Variants in KHDRBS2 observed in about 807,000 individuals in gnomAD.
KHDRBS2 encodes KH domain-containing, RNA-binding, signal transduction-associated protein 2.
Under a neutral mutation model 44.3 loss-of-function variants are expected in KHDRBS2, and 26 were observed. The observed-to-expected ratio is 0.59, with a 90% CI of 0.43 to 0.81. KHDRBS2 has a LOEUF of 0.81. Ranked by LOEUF, KHDRBS2 falls within the 40% of genes least tolerant of loss-of-function variation. KHDRBS2 has a pLI of 0.00. For missense variants in KHDRBS2, 476 were observed against 433.1 expected, an observed-to-expected ratio of 1.10 and a Z score of -0.88; for synonymous variants, 194 against 151.1, an observed-to-expected ratio of 1.28 and a Z score of -2.08.
the KHDRBS2 span, among the ~76,000 whole-genome samples, chr6:61,564,914 A>G: frequency 6.6e-6 from 1 of 152,182 alleles, no homozygotes; most frequent in African/African-American, 2.4e-5. Flanking sequence ...TTAGTAACCA[A>G]AATAGTATGG....
intron 4 of KHDRBS2, among the ~76,000 whole-genome samples, chr6:61,943,884 C>T (rs1005656390): frequency 8.6e-5 from 13 of 151,902 alleles, no homozygotes; most frequent in African/African-American, 1.7e-4. Flanking sequence ...GATATAGTGA[C>T]GACAAAGAGG....
intron 3 of KHDRBS2, among the ~76,000 whole-genome samples, chr6:61,999,845 A>G (rs1192459444): frequency 3.3e-5 from 5 of 152,206 alleles, no homozygotes; most frequent in African/African-American, 9.6e-5. Flanking sequence ...TATTAATAAC[A>G]TAAAATATAT....
chr6:61,546,912 A>T, the KHDRBS2 span, among the ~76,000 whole-genome samples: 1 of 152,116 alleles, frequency 6.6e-6, no homozygotes, highest in African/African-American at 2.4e-5. Context: ...TTTTCCAACC[A>T]GATTATTCCA....
At chr6:62,224,751 T>C (rs142885529) in intron 1 of KHDRBS2, among the ~76,000 whole-genome samples, 2 of 152,206 alleles carry the variant, frequency 1.3e-5, no homozygotes, top group Non-Finnish European at 2.9e-5. Flanking sequence ...TTTCCACCAT[T>C]ACTAACTAAA....
At chr6:61,910,022 C>T (rs1166693025) in intron 4 of KHDRBS2, among the ~76,000 whole-genome samples, 2 of 152,178 alleles carry the variant, frequency 1.3e-5, no homozygotes, top group African/African-American at 4.8e-5. Flanking sequence ...GATATGTAGT[C>T]TTTAGCCTTT....
intron 3 of KHDRBS2, among the ~76,000 whole-genome samples, chr6:62,033,669 C>T (rs1479697180): frequency 6.7e-6 from 1 of 150,078 alleles, no homozygotes; most frequent in Non-Finnish European, 1.5e-5. Flanking sequence ...ATATATATGG[C>T]ATATAGATAT....
chr6:62,078,254 T>A lies in KHDRBS2; in HGVS notation c.220-30260A>T, dbSNP rs140216782. On this transcript the variant is annotated intron_variant, in intron 2 of 8. Coordinates refer to ENST00000281156, the MANE Select transcript of KHDRBS2 (RefSeq NM_152688.4). ...CTGGCTATGCTTTAGGATCTTATGA[T>A]CAATATCATAAAATAATATACAAGT... 1.8e-3 allele frequency among the ~76,000 whole-genome samples: 274 copies of A among 152,154 alleles called. 1 individual carries two copies. Among genetic ancestry groups the A allele is most frequent in the South Asian group, 3.5e-3 (17 of 4,830 alleles).
intron 6 of KHDRBS2, among the ~76,000 whole-genome samples, chr6:61,842,375 C>G (rs535194817): frequency 6.6e-6 from 1 of 152,280 alleles, no homozygotes; most frequent in Non-Finnish European, 1.5e-5. Flanking sequence ...CACAAACATA[C>G]ATTCAAAACT....
At chr6:62,132,165 T>C (rs543010573) in intron 2 of KHDRBS2, among the ~76,000 whole-genome samples, 123 of 152,332 alleles carry the variant, frequency 8.1e-4, no homozygotes, top group Non-Finnish European at 1.6e-3. Context: ...TATTTAATTA[T>C]GATAATTCTG....
At chr6:62,119,052 G>T (rs2150080996) in intron 2 of KHDRBS2, among the ~76,000 whole-genome samples, 1 of 152,280 alleles carries the variant, frequency 6.6e-6, no homozygotes, top group African/African-American at 2.4e-5. Flanking sequence ...TTTGGTACCA[G>T]AAGTGGTTCT....
At chr6:61,962,365 C>T (rs142256800) in intron 4 of KHDRBS2, among the ~76,000 whole-genome samples, 1 of 152,194 alleles carries the variant, frequency 6.6e-6, no homozygotes, top group East Asian at 1.9e-4. Context: ...CAAAAACTTG[C>T]TGCTCTAACA....
intron 8 of KHDRBS2, among the ~76,000 whole-genome samples, chr6:61,692,875 T>C (rs1294717262): frequency 6.6e-6 from 1 of 151,014 alleles, no homozygotes; most frequent in Non-Finnish European, 1.5e-5. Context: ...CAACTGACTC[T>C]GAGACTCCTC....
At chr6:61,886,319 C>A (rs1405590191) in intron 6 of KHDRBS2, among the ~76,000 whole-genome samples, 1 of 152,126 alleles carries the variant, frequency 6.6e-6, no homozygotes, top group Non-Finnish European at 1.5e-5. Flanking sequence ...ATTCTTTAGA[C>A]TTGCTTTGAA....
chr6:61,655,225 T>C, the KHDRBS2 span, among the ~76,000 whole-genome samples: 210 of 145,296 alleles, frequency 1.4e-3, 2 homozygotes, highest in South Asian at 0.015. Flanking sequence ...CATACATACA[T>C]ACACACACAC....
chr6:61,975,656 C>CACACACAT (rs2127401659), intron 4 of KHDRBS2, among the ~76,000 whole-genome samples: 1 of 113,822 alleles, frequency 8.8e-6, no homozygotes, highest in Admixed American at 1.0e-4. Context: ...GCAAGATGCA[C>CACACACAT]ACACACACAC....
At chr6:61,545,551 C>A in the KHDRBS2 span, among the ~76,000 whole-genome samples, 1 of 148,180 alleles carries the variant, frequency 6.7e-6, no homozygotes, top group Non-Finnish European at 1.5e-5. Context: ...GTATATATTT[C>A]TTTCTAATTT....
intron 3 of KHDRBS2, among the ~76,000 whole-genome samples, chr6:62,012,054 C>T (rs1376344308): frequency 6.6e-6 from 1 of 152,058 alleles, no homozygotes; most frequent in African/African-American, 2.4e-5. Context: ...AACCCAGGTA[C>T]TGACTTCTCC....
At chr6:61,907,893 T>C (rs1035230395) in intron 4 of KHDRBS2, among the ~76,000 whole-genome samples, 1 of 152,204 alleles carries the variant, frequency 6.6e-6, no homozygotes, top group African/African-American at 2.4e-5. Flanking sequence ...ATGCTTCAGT[T>C]ATATAAAACT....
intron 2 of KHDRBS2, among the ~76,000 whole-genome samples, chr6:62,113,358 A>G (rs1182900950): frequency 6.6e-6 from 1 of 152,180 alleles, no homozygotes; most frequent in Admixed American, 6.6e-5. Flanking sequence ...AGTTGAGAAC[A>G]TAATTTTAAT....
Sources: allele counts gnomAD v4.1 joint callset (sites outside exome capture counted in the v4.1 genomes callset), GRCh38; gene constraint gnomAD v4.1.1; transcripts MANE v1.5; gene names NCBI Gene and HGNC (gene_info 2026-07-23, HGNC 2026-07-21).